Variants in DDX51 observed in about 807,000 individuals in gnomAD.
The protein encoded by DDX51 is ATP-dependent RNA helicase DDX51.
Under a neutral mutation model 74.6 loss-of-function variants are expected in DDX51, and 67 were observed. That is an observed-to-expected ratio of 0.90 (90% CI 0.74 to 1.10). The LOEUF (loss-of-function observed/expected upper bound fraction) is 1.10. Ranked by LOEUF, DDX51 falls within the 50% of genes least tolerant of loss-of-function variation. DDX51 has a pLI of 0.00. For synonymous variants in DDX51, 545 were observed against 402.9 expected (o/e 1.35, Z -4.22); for missense variants, 1,056 against 905.2 (o/e 1.17, Z -2.14).
chr12:132,143,182 G>T, intron 2 of DDX51: 1 of 446,452 alleles, frequency 2.2e-6, no homozygotes, highest in Non-Finnish European at 4.1e-6. Flanking sequence ...CCTGCCTCGA[G>T]GCCTCTGCCT....
intron 2 of DDX51, 194 bp downstream of exon 2, chr12:132,143,501 C>T: frequency 1.4e-6 from 1 of 731,684 alleles, no homozygotes; most frequent in South Asian, 1.9e-5. Context: ...AGGGGCAAGC[C>T]TAGCAGAGGA....
At chr12:132,141,142 C>A in intron 8 of DDX51, 122 bp from the exon 9 acceptor site, 1 of 1,496,014 alleles carries the variant, frequency 6.7e-7, no homozygotes, top group Non-Finnish European at 8.9e-7. Context: ...GTGGGTCCAG[C>A]TCACGTGACA....
intron 6 of DDX51, 115 bp from the exon 7 acceptor site, chr12:132,141,721 G>A (rs1897471262): frequency 2.1e-6 from 3 of 1,456,034 alleles, no homozygotes; most frequent in Non-Finnish European, 2.8e-6. Context: ...GGGGCCGGTG[G>A]GAGCTCCTCC....
intron 14 of DDX51, 36 bp from the exon 15 acceptor site, chr12:132,139,334 T>A: frequency 6.2e-7 from 1 of 1,601,884 alleles, no homozygotes; most frequent in Non-Finnish European, 8.5e-7. Flanking sequence ...CACCACACAC[T>A]CTGTCCCCTC....
rs1418907358 is a variant in DDX51 at position 132,142,023 on chromosome 12, C to T, written c.889-67G>A. 1.9e-6 allele frequency: 3 copies of T among 1,607,818 alleles called. No individual in the cohort carries two copies. The South Asian group carries it at 3.3e-5, about 18-fold the overall frequency. Reference sequence around the variant, plus strand: ...CCACCTACTGCAGCAAAAAGGACCCCAGATCTAATCTGGGTCCCCCAGGGG... The same window carrying T: ...CCACCTACTGCAGCAAAAAGGACCCTAGATCTAATCTGGGTCCCCCAGGGG... On this transcript the variant is annotated intron_variant, in intron 5 of 14. Coordinates refer to ENST00000397333, the MANE Select transcript of DDX51 (RefSeq NM_175066.4).
At chr12:132,143,598 A>G in intron 2 of DDX51, 97 bp downstream of exon 2, 6 of 1,466,350 alleles carry the variant, frequency 4.1e-6, no homozygotes, top group Non-Finnish European at 4.6e-6. Flanking sequence ...ACCCGGGAAC[A>G]TTCGCTGAAC....
At position 132,139,066 on chromosome 12, in the gene DDX51, G is replaced by C. The variant is rs1254810459; in HGVS notation, c.*206C>G. ...CCATCCTGACCTCCACACTCTGAAA[G>C]TGACAAGCCCTGAAGTCTCCAGTCG... is the stretch of plus-strand genomic sequence containing the variant. On this transcript the variant is annotated 3_prime_UTR_variant, in exon 15 of 15. Coordinates refer to ENST00000397333, the MANE Select transcript of DDX51 (RefSeq NM_175066.4). 4.5e-6 allele frequency: 3 copies of C among 665,120 alleles called. No individual in the cohort carries two copies. The highest frequency in any genetic ancestry group is 2.8e-5 in the East Asian group (1 of 36,308). 41.2% of individuals were successfully genotyped at this position (665,120 alleles called of 1,614,324 possible).
chr12:132,139,111 G>C lies in DDX51; in HGVS notation c.*161C>G, dbSNP rs1897352754. The C allele has an allele frequency of 5.5e-6, 6 of 1,097,972 alleles. No individual in the cohort carries two copies. The East Asian group carries it at 1.6e-4, about 29-fold the overall frequency. The allele number at this position is 1,097,972 out of a possible 1,614,324, so 68.0% of individuals were successfully genotyped here. On this transcript the variant is annotated 3_prime_UTR_variant, in exon 15 of 15. Coordinates refer to ENST00000397333, the MANE Select transcript of DDX51 (RefSeq NM_175066.4). Reference sequence around the variant, plus strand: ...CAGTCGGGGCAGGTGCTTGAGCTCTGACGCCCGGGCTGCCTGGCGCAGAGA... The same window carrying C: ...CAGTCGGGGCAGGTGCTTGAGCTCTCACGCCCGGGCTGCCTGGCGCAGAGA...
Position 132,140,752 on chromosome 12 carries a change from G to C in DDX51, c.1441-17C>G. On this transcript the variant is annotated splice_polypyrimidine_tract_variant and intron_variant, in intron 9 of 14. Coordinates refer to ENST00000397333, the MANE Select transcript of DDX51 (RefSeq NM_175066.4). Reference sequence around the variant, plus strand: ...GTAGTGGTGCTACAGGGACGGCAGGGGGTCGGGGTGGAGGTGAGGGTTGGT... The same window carrying C: ...GTAGTGGTGCTACAGGGACGGCAGGCGGTCGGGGTGGAGGTGAGGGTTGGT... 1 of 1,613,040 alleles carries C rather than the reference G, an allele frequency of 6.2e-7. No homozygotes were observed. The highest frequency in any genetic ancestry group is 8.5e-7 in the Non-Finnish European group (1 of 1,179,992).
chr12:132,142,075 G>A (rs1326230287), intron 5 of DDX51, 44 bp downstream of exon 5: 3 of 1,566,616 alleles, frequency 1.9e-6, no homozygotes, highest in Non-Finnish European at 2.6e-6. Context: ...CAGCAGGGAA[G>A]CTGAGGCGGG....
intron 11 of DDX51, 61 bp from the exon 12 acceptor site, chr12:132,140,260 G>A (rs531553661): frequency 3.7e-5 from 58 of 1,580,396 alleles, no homozygotes; most frequent in South Asian, 7.9e-5. Context: ...TGGCAGCACC[G>A]GCCCTGCGGG....
rs1593424387 is a variant in DDX51, at chr12:132,144,269, G to C, written c.28C>G (p.Pro10Ala). 1.6e-6 allele frequency: 2 copies of C among 1,251,834 alleles called. No homozygotes were observed. Among genetic ancestry groups the C allele is most frequent in the African/African-American group, 3.1e-5 (2 of 64,314 alleles). 77.5% of individuals were successfully genotyped at this position (1,251,834 alleles called of 1,614,324 possible). Reference sequence around the variant, plus strand: ...GCCGCAGCTGCCGCATCGGGGCCCGGGTACCGCGCGACGTAGAACAGCGCC... The same window carrying C: ...GCCGCAGCTGCCGCATCGGGGCCCGCGTACCGCGCGACGTAGAACAGCGCC... MALFYVARY[P>A]GPDAAAAAGP... is the part of the protein sequence containing the mutation. The change falls in exon 1 of 15, where the codon CCG (proline) becomes GCG (alanine). Residue 10 changes from proline to alanine, a missense_variant. Transcript: ENST00000397333.
At chr12:132,143,418 G>A (rs1897557500) in intron 2 of DDX51, 2 of 555,552 alleles carry the variant, frequency 3.6e-6, no homozygotes, top group Admixed American at 3.6e-5. Flanking sequence ...CTGAGGCGGT[G>A]AGCGCACAGC....
chr12:132,143,313 C>A, intron 2 of DDX51: 2 of 424,560 alleles, frequency 4.7e-6, no homozygotes, highest in South Asian at 2.5e-5. Flanking sequence ...TCGCTTTCTT[C>A]ACCTGTCTCG....
At chr12:132,140,395 G>A (rs377078738) in intron 11 of DDX51, 28 bp downstream of exon 11, 1 of 1,611,878 alleles carries the variant, frequency 6.2e-7, no homozygotes, top group African/African-American at 1.3e-5. Context: ...CCACCCCACA[G>A]AGGCCTTGCC....
intron 14 of DDX51, 75 bp downstream of exon 14, chr12:132,139,560 T>C (rs747989658): frequency 1.9e-6 from 3 of 1,611,234 alleles, no homozygotes; most frequent in Non-Finnish European, 1.7e-6. Context: ...CCCTCTTTTC[T>C]CCACGTGTGG....
At position 132,136,634 on chromosome 12, in the gene DDX51, C is replaced by T. The variant is rs1032077413; in HGVS notation, c.*2638G>A. On this transcript the variant is annotated 3_prime_UTR_variant, in exon 15 of 15. Transcript: ENST00000397333. ...TAATAAGCAAAAAGGAAGAAGAGCT[C>T]TCCGTTGCAGAGGGGGCCTGAGCGG... 1 of 153,032 alleles carries T rather than the reference C, an allele frequency of 6.5e-6. No homozygotes were observed. Among genetic ancestry groups the T allele is most frequent in the African/African-American group, 2.4e-5 (1 of 41,458 alleles). The allele number at this position is 153,032 out of a possible 1,614,324, so 9.5% of individuals were successfully genotyped here.
Position 132,142,205 on chromosome 12 carries a change from G to A in DDX51, c.817-15C>T. 2 of 1,577,028 alleles carry A rather than the reference G, an allele frequency of 1.3e-6. No homozygotes were observed. Among genetic ancestry groups the A allele is most frequent in the Middle Eastern group, 1.7e-4 (1 of 5,888 alleles). On this transcript the variant is annotated splice_polypyrimidine_tract_variant and intron_variant, in intron 4 of 14. Transcript: ENST00000397333. ...GAAAGCAGGGCCTGAGGGGGAAGGA[G>A]CGCCTGCGTCAGCAAGGCTGTTACC...
At chr12:132,143,317 T>C (rs1271027002) in intron 2 of DDX51, 4 of 424,744 alleles carry the variant, frequency 9.4e-6, no homozygotes, top group East Asian at 5.2e-5. Context: ...TTTCTTCACC[T>C]GTCTCGCCGG....
Sources: allele counts gnomAD v4.1 joint callset, GRCh38; gene constraint gnomAD v4.1.1; transcripts MANE v1.5; gene names NCBI Gene and HGNC (gene_info 2026-07-23, HGNC 2026-07-21).